Variants in PPP1R42 observed in about 807,000 individuals in gnomAD.
The protein encoded by PPP1R42 is leucine rich repeat containing 67.
In PPP1R42, 34 loss-of-function variants were observed where a neutral mutation model predicts 31.0. That is an observed-to-expected ratio of 1.10 (90% CI 0.83 to 1.46). The LOEUF (loss-of-function observed/expected upper bound fraction) is 1.46, where lower values mean the gene tolerates loss of function less well. Among genes scored for constraint, PPP1R42 ranks in the 40% most tolerant of loss-of-function variants. The pLI, the probability that PPP1R42 is intolerant of heterozygous loss-of-function variation, is 0.00. For missense variants in PPP1R42, 268 were observed against 303.0 expected, an observed-to-expected ratio of 0.88 and a Z score of 0.86; for synonymous variants, 103 against 109.8, an observed-to-expected ratio of 0.94 and a Z score of 0.39.
chr8:66,981,790 T>C (rs998964250), intron 7 of PPP1R42, among the ~76,000 whole-genome samples: 2 of 152,206 alleles, frequency 1.3e-5, no homozygotes, highest in African/African-American at 4.8e-5. Context: ...TCCCCACCCT[T>C]GTGGCTCTAT....
At chr8:67,018,293 T>C (rs1354781204) in intron 1 of PPP1R42, among the ~76,000 whole-genome samples, 1 of 151,962 alleles carries the variant, frequency 6.6e-6, no homozygotes, top group Non-Finnish European at 1.5e-5. Context: ...AATTTTTATA[T>C]TTTTAGTAGA....
intron 6 of PPP1R42, chr8:66,988,151 T>C (rs1371146647): frequency 1.8e-6 from 2 of 1,099,110 alleles, no homozygotes; most frequent in East Asian, 5.4e-5. Context: ...ACCATTTTTA[T>C]TGGTAATAGC....
At chr8:67,011,297 G>A (rs1020248777) in intron 4 of PPP1R42, among the ~76,000 whole-genome samples, 8 of 152,128 alleles carry the variant, frequency 5.3e-5, no homozygotes, top group South Asian at 4.1e-4. Flanking sequence ...GAGGTGAAGC[G>A]GGCGGATCAC....
chr8:67,022,706 G>C (rs1816259579), intron 1 of PPP1R42, among the ~76,000 whole-genome samples: 1 of 152,046 alleles, frequency 6.6e-6, no homozygotes, highest in Non-Finnish European at 1.5e-5. Context: ...TAGGAAGTGA[G>C]ATATTCAATA....
intron 7 of PPP1R42, chr8:66,968,451 C>G (rs1481361204): frequency 1.0e-6 from 1 of 984,404 alleles, no homozygotes; most frequent in Admixed American, 6.1e-5. Flanking sequence ...TACCTCTGAG[C>G]AGGCTCCCCA....
chr8:66,977,189 C>T (rs1043266311), intron 7 of PPP1R42, among the ~76,000 whole-genome samples: 3 of 151,988 alleles, frequency 2.0e-5, no homozygotes, highest in East Asian at 3.9e-4. Context: ...TGTGCCACCA[C>T]GCTCAGCTAA....
intron 5 of PPP1R42, among the ~76,000 whole-genome samples, chr8:67,000,583 G>T (rs531466931): frequency 6.6e-6 from 1 of 152,120 alleles, no homozygotes; most frequent in South Asian, 2.1e-4. Flanking sequence ...TCAGCCTCCT[G>T]AGTAGCTGGG....
At chr8:66,983,971 A>G (rs575712188) in intron 6 of PPP1R42, among the ~76,000 whole-genome samples, 245 of 152,306 alleles carry the variant, frequency 1.6e-3, no homozygotes, top group African/African-American at 5.5e-3. Flanking sequence ...AAAGGGCAAC[A>G]CCAGGCTGAC....
intron 7 of PPP1R42, among the ~76,000 whole-genome samples, chr8:66,965,767 T>A (rs1814366118): frequency 6.6e-6 from 1 of 152,022 alleles, no homozygotes. Context: ...CAAAAAAATT[T>A]AAAAAATTAG....
At chr8:67,019,694 C>T (rs1446840711) in intron 1 of PPP1R42, among the ~76,000 whole-genome samples, 1 of 151,518 alleles carries the variant, frequency 6.6e-6, no homozygotes, top group Admixed American at 6.6e-5. Context: ...AGATCGAGAC[C>T]ATCCTGGCTA....
At chr8:66,971,020 C>T (rs1814525149) in intron 7 of PPP1R42, 1 of 1,527,946 alleles carries the variant, frequency 6.5e-7, no homozygotes, top group Non-Finnish European at 8.7e-7. Context: ...TTCTCAGGAA[C>T]TTTCTGGAGA....
intron 3 of PPP1R42, among the ~76,000 whole-genome samples, chr8:67,014,023 T>C (rs187028839): frequency 3.9e-4 from 59 of 152,306 alleles, no homozygotes; most frequent in African/African-American, 1.4e-3. Context: ...GTATGAGATA[T>C]ATGATTCTGA....
intron 5 of PPP1R42, among the ~76,000 whole-genome samples, chr8:66,994,947 C>T (rs1815292942): frequency 6.6e-6 from 1 of 152,166 alleles, no homozygotes; most frequent in South Asian, 2.1e-4. Context: ...AAAGCAGCTG[C>T]TCTAAGTGCT....
At chr8:66,985,191 C>A in intron 6 of PPP1R42, 2 of 1,128,744 alleles carry the variant, frequency 1.8e-6, no homozygotes, top group South Asian at 2.5e-5. Flanking sequence ...CCAGTTGAGC[C>A]TTTGTCCTTA....
intron 1 of PPP1R42, among the ~76,000 whole-genome samples, chr8:67,022,046 T>C (rs941925846): frequency 2.0e-5 from 3 of 152,230 alleles, no homozygotes; most frequent in African/African-American, 7.2e-5. Flanking sequence ...GGTTTAAAAC[T>C]AGGAGTGGCC....
chr8:66,996,394 C>A (rs1815335840), intron 5 of PPP1R42, among the ~76,000 whole-genome samples: 1 of 152,214 alleles, frequency 6.6e-6, no homozygotes, highest in Admixed American at 6.5e-5. Context: ...AAGTATTCTT[C>A]ACAGCTAAAC....
chr8:67,020,611 T>C (rs1054826867), intron 1 of PPP1R42, among the ~76,000 whole-genome samples: 1 of 152,214 alleles, frequency 6.6e-6, no homozygotes, highest in African/African-American at 2.4e-5. Context: ...AGGATAATAA[T>C]AGTCCCTATT....
intron 5 of PPP1R42, among the ~76,000 whole-genome samples, chr8:67,003,166 CAAAAAAAAAAAA>C (rs529377387): frequency 3.5e-5 from 2 of 57,708 alleles, no homozygotes; most frequent in Non-Finnish European, 7.5e-5. Flanking sequence ...AACTCCGTCT[CAAAAAAAAAAAA>C]AAAAAAAAGA....
intron 5 of PPP1R42, among the ~76,000 whole-genome samples, chr8:67,000,045 A>G (rs2129536559): frequency 6.6e-6 from 1 of 152,238 alleles, no homozygotes; most frequent in Admixed American, 6.5e-5. Flanking sequence ...AGCTTTTGGC[A>G]TCATTGATTT....
Sources: gnomAD v4.1 joint callset for allele counts (sites outside exome capture counted in the v4.1 genomes callset) on GRCh38, gnomAD v4.1.1 for gene constraint, MANE v1.5 for transcripts, NCBI Gene and HGNC (gene_info 2026-07-23, HGNC 2026-07-21) for gene names.